The following GPT2 variants were observed in gnomAD, a reference collection of about 807,000 sequenced individuals.
GPT2 encodes the protein glutamic--pyruvic transaminase 2.
In GPT2, 30 loss-of-function variants were observed where a neutral mutation model predicts 56.9. The observed-to-expected ratio is 0.53, with a 90% CI of 0.39 to 0.72. The LOEUF (loss-of-function observed/expected upper bound fraction) is 0.72, where lower values mean the gene tolerates loss of function less well. Among genes scored for constraint, GPT2 ranks in the 30% least tolerant of loss-of-function variants. The probability of loss-of-function intolerance (pLI) is 0.00; values close to 1 mark genes in which losing one functional copy is unlikely to be tolerated. For synonymous variants in GPT2, 271 were observed against 283.1 expected, an observed-to-expected ratio of 0.96 and a Z score of 0.43; for missense variants, 542 against 703.4, an observed-to-expected ratio of 0.77 and a Z score of 2.60.
chr16:46,927,364 CGAT>C (rs764901823), intron 11 of GPT2, among the ~76,000 whole-genome samples: 8 of 152,206 alleles, frequency 5.3e-5, no homozygotes, highest in Non-Finnish European at 1.2e-4. Flanking sequence ...TTCAACTCTG[CGAT>C]GGCAGCACAC....
chr16:46,928,616 C>CAA (rs551688670), intron 11 of GPT2, among the ~76,000 whole-genome samples: 8 of 101,236 alleles, frequency 7.9e-5, no homozygotes, highest in South Asian at 3.0e-4. Flanking sequence ...AATTCCATCT[C>CAA]AAAAAAAAAA....
intron 4 of GPT2, among the ~76,000 whole-genome samples, chr16:46,901,882 GC>G (rs1188697278): frequency 6.6e-6 from 1 of 152,248 alleles, no homozygotes; most frequent in African/African-American, 2.4e-5. Context: ...GGCCTTGTGT[GC>G]CAAGACCTAA....
intron 5 of GPT2, 59 bp downstream of exon 5, chr16:46,907,034 C>T (rs1327674514): frequency 6.2e-7 from 1 of 1,604,616 alleles, no homozygotes. Context: ...AGCAGCCTTG[C>T]CTGTTAGGGC....
chr16:46,884,890 G>A lies in GPT2; in HGVS notation c.175G>A (p.Ala59Thr). ...TLESMNPQVK[A>T]VEYAVRGPIV... ...GGAGTCCATGAACCCGCAGGTGAAGGCGGTGGAGTACGCCGTGCGGGGACC... is the reference window on the plus strand; with the variant it reads ...GGAGTCCATGAACCCGCAGGTGAAGACGGTGGAGTACGCCGTGCGGGGACC... The change falls in exon 2 of 12, where the codon GCG (alanine) becomes ACG (threonine). Residue 59 changes from alanine (A) to threonine (T), a missense_variant. Ala to Thr is a moderately conservative substitution (Grantham distance 58). Transcript: ENST00000340124. 1.3e-6 allele frequency: 2 copies of A among 1,544,498 alleles called. No homozygotes were observed. The highest frequency in any genetic ancestry group is 1.7e-6 in the Non-Finnish European group (2 of 1,145,092).
At chr16:46,909,492 G>A (rs573573365) in intron 5 of GPT2, among the ~76,000 whole-genome samples, 192 bp from the exon 6 acceptor site, 1 of 152,072 alleles carries the variant, frequency 6.6e-6, no homozygotes, top group East Asian at 1.9e-4. Context: ...ACTGTGCTGA[G>A]AACTTTAGAA....
At chr16:46,926,903 T>G in intron 10 of GPT2, 22 bp from the exon 11 acceptor site, 28 of 1,467,680 alleles carry the variant, frequency 1.9e-5, no homozygotes, top group Non-Finnish European at 2.4e-5. Flanking sequence ...GGAATGATCA[T>G]GAGCTCTGTC....
At position 46,898,356 on chromosome 16, in the gene GPT2, C is replaced by T. The variant is rs536296717; in HGVS notation, c.333+619C>T. Among the ~76,000 whole-genome samples the T allele has an allele frequency of 1.1e-4, 17 of 152,214 alleles. 1 individual carries two copies. Among genetic ancestry groups the T allele is most frequent in the African/African-American group, 4.1e-4 (17 of 41,538 alleles). Reference sequence around the variant, plus strand: ...TCCCTCCTCAGGCTCCAGGAGAAGGCGGCTTCCATGTTTCAGTCTGAGCAC... The same window carrying T: ...TCCCTCCTCAGGCTCCAGGAGAAGGTGGCTTCCATGTTTCAGTCTGAGCAC... On this transcript the variant is annotated intron_variant, in intron 3 of 11. Transcript: ENST00000340124.
chr16:46,915,984 G>A (rs1961150757), intron 6 of GPT2: 3 of 148,342 alleles, frequency 2.0e-5, no homozygotes, highest in Admixed American at 2.0e-4. Flanking sequence ...GCACATGTGA[G>A]TGTATGCGTG....
At position 46,928,944 on chromosome 16, in the gene GPT2, G is replaced by A. The variant is rs1178463468; in HGVS notation, c.1519G>A (p.Val507Met). 2.5e-6 allele frequency: 4 copies of A among 1,614,036 alleles called. No homozygotes were observed. In the East Asian group the frequency reaches 8.9e-5, roughly 36 times the overall value. ...CCCTCCAGTGGAGAAGCTGAAAACGGTGCTGCAGAAGGTGAAAGACTTCCA... is the reference window on the plus strand; with the variant it reads ...CCCTCCAGTGGAGAAGCTGAAAACGATGCTGCAGAAGGTGAAAGACTTCCA... ...ILPPVEKLKT[V>M]LQKVKDFHIN... Residue 507 changes from valine (V) to methionine (M), a missense_variant, in exon 12 of 12, where the codon GTG becomes ATG. Transcript: ENST00000340124.
At chr16:46,894,830 TAA>T (rs1434150829) in intron 2 of GPT2, among the ~76,000 whole-genome samples, 2 of 152,070 alleles carry the variant, frequency 1.3e-5, no homozygotes, top group African/African-American at 4.8e-5. Context: ...CACGCCTGGC[TAA>T]GTTTTTGTAT....
intron 6 of GPT2, 149 bp from the exon 7 acceptor site, chr16:46,916,479 G>A: frequency 1.5e-6 from 1 of 688,656 alleles, no homozygotes; most frequent in East Asian, 2.5e-5. Context: ...ATCATGCATG[G>A]CAGCTGGGGA....
intron 3 of GPT2, among the ~76,000 whole-genome samples, 187 bp from the exon 4 acceptor site, chr16:46,900,495 C>T (rs149400896): frequency 6.6e-6 from 1 of 152,294 alleles, no homozygotes; most frequent in East Asian, 1.9e-4. Flanking sequence ...TCAACTTCTC[C>T]CCTTCTGCTG....
At chr16:46,922,153 G>T in intron 8 of GPT2, 89 bp from the exon 9 acceptor site, 1 of 1,277,640 alleles carries the variant, frequency 7.8e-7, no homozygotes, top group East Asian at 2.4e-5. Context: ...TGTTGGGTGT[G>T]GGAATGCTTT....
At chr16:46,901,292 CCTGGTA>C (rs1181137725) in intron 4 of GPT2, among the ~76,000 whole-genome samples, 2 of 152,166 alleles carry the variant, frequency 1.3e-5, no homozygotes, top group African/African-American at 4.8e-5. Flanking sequence ...GCCAGTACCC[CCTGGTA>C]CTTCATGGTG....
In GPT2 at chr16:46,924,092, C is replaced by A. The variant is rs1961350134; in HGVS notation, c.1213-297C>A. 7.1e-6 allele frequency: 3 copies of A among 421,950 alleles called. 1 individual carries two copies. Among genetic ancestry groups the A allele is most frequent in the South Asian group, 6.0e-5 (3 of 49,592 alleles). 26.1% of individuals were successfully genotyped at this position (421,950 alleles called of 1,614,324 possible). ...ATTTGTGCCGGGAGATGTGTTCCAC[C>A]CACCTCCCTGTTTTGCTGTGCTCAG... On this transcript the variant is annotated intron_variant, in intron 9 of 11. Transcript: ENST00000340124.
At chr16:46,919,904 GAA>G (rs1041802432) in intron 8 of GPT2, among the ~76,000 whole-genome samples, 1 of 152,168 alleles carries the variant, frequency 6.6e-6, no homozygotes, top group African/African-American at 2.4e-5. Context: ...GTGTGGGAGA[GAA>G]GAGTCAAAGA....
At chr16:46,909,537 A>AT in intron 5 of GPT2, 147 bp from the exon 6 acceptor site, 1 of 877,398 alleles carries the variant, frequency 1.1e-6, no homozygotes, top group East Asian at 2.6e-5. Context: ...AGCTGCCCTC[A>AT]TTTTACAGAT....
chr16:46,896,130 T>G (rs552061528), intron 2 of GPT2, among the ~76,000 whole-genome samples: 1 of 152,344 alleles, frequency 6.6e-6, no homozygotes, highest in African/African-American at 2.4e-5. Flanking sequence ...TGTACTCTGC[T>G]AAGGGCTTTC....
intron 6 of GPT2, among the ~76,000 whole-genome samples, chr16:46,910,129 C>T (rs1961017410): frequency 6.6e-6 from 1 of 152,066 alleles, no homozygotes; most frequent in South Asian, 2.1e-4. Context: ...GCCTGTAATC[C>T]CAGCACTTTG....
Sources: allele counts gnomAD v4.1 joint callset (sites outside exome capture counted in the v4.1 genomes callset), GRCh38; gene constraint gnomAD v4.1.1; transcripts MANE v1.5; gene names NCBI Gene and HGNC (gene_info 2026-07-23, HGNC 2026-07-21).